ANKRD45: variants seen among roughly 807,000 people sequenced by gnomAD.
ANKRD45 encodes the protein ankyrin repeat domain-containing protein 45.
Under a neutral mutation model 28.1 loss-of-function variants are expected in ANKRD45, and 21 were observed. That is an observed-to-expected ratio of 0.75 (90% CI 0.53 to 1.08). The LOEUF (loss-of-function observed/expected upper bound fraction) is 1.08, where lower values mean the gene tolerates loss of function less well. Ranked by LOEUF, ANKRD45 falls within the 50% of genes least tolerant of loss-of-function variation. The pLI, the probability that ANKRD45 is intolerant of heterozygous loss-of-function variation, is 0.00. For synonymous variants in ANKRD45, 86 were observed against 103.9 expected (o/e 0.83, Z 1.05); for missense variants, 261 against 308.7 (o/e 0.85, Z 1.16).
At chr1:173,632,362 G>A (rs1571717949) in intron 3 of ANKRD45, among the ~76,000 whole-genome samples, 1 of 151,822 alleles carries the variant, frequency 6.6e-6, no homozygotes, top group East Asian at 1.9e-4. Flanking sequence ...TCCAAGCAAA[G>A]AAAAGCCCAG....
At chr1:173,711,612 G>C in the ANKRD45 span, among the ~76,000 whole-genome samples, 1 of 152,124 alleles carries the variant, frequency 6.6e-6, no homozygotes, top group Non-Finnish European at 1.5e-5. Flanking sequence ...TTAGCTTAGT[G>C]ATTTTGGGGG....
At chr1:173,663,979 A>G (rs190505598) in intron 1 of ANKRD45, among the ~76,000 whole-genome samples, 19 of 152,296 alleles carry the variant, frequency 1.2e-4, no homozygotes, top group Non-Finnish European at 4.4e-5. Context: ...TCTCTTTACT[A>G]CAGGTAACAT....
intron 1 of ANKRD45, among the ~76,000 whole-genome samples, chr1:173,666,807 C>T (rs1327985859): frequency 6.6e-6 from 1 of 152,086 alleles, no homozygotes; most frequent in African/African-American, 2.4e-5. Flanking sequence ...AGCTGAAGTG[C>T]AGTGATGCCA....
At chr1:173,715,181 G>A in the ANKRD45 span, 1 of 152,408 alleles carries the variant, frequency 6.6e-6, no homozygotes, top group South Asian at 2.1e-4. Flanking sequence ...CATGGGGTCA[G>A]GTCGGTCGCC....
intron 5 of ANKRD45, among the ~76,000 whole-genome samples, chr1:173,617,853 A>T (rs1163665408): frequency 6.6e-6 from 1 of 152,204 alleles, no homozygotes; most frequent in South Asian, 2.1e-4. Flanking sequence ...ACGGGTCTTC[A>T]GATACCTCCT....
At chr1:173,656,114 A>T (rs1032752526) in intron 2 of ANKRD45, among the ~76,000 whole-genome samples, 1 of 152,164 alleles carries the variant, frequency 6.6e-6, no homozygotes, top group African/African-American at 2.4e-5. Context: ...GCTGCACCCA[A>T]TGTCCAACCA....
intron 2 of ANKRD45, among the ~76,000 whole-genome samples, chr1:173,649,010 T>G (rs1669056868): frequency 6.6e-6 from 1 of 152,186 alleles, no homozygotes; most frequent in Non-Finnish European, 1.5e-5. Flanking sequence ...AGAATCCTTT[T>G]GTAACTTGAT....
upstream of ANKRD45, among the ~76,000 whole-genome samples, chr1:173,670,158 T>G (rs772429169): frequency 6.6e-6 from 1 of 152,252 alleles, no homozygotes; most frequent in Non-Finnish European, 1.5e-5. Context: ...ATTGTATGAA[T>G]AACCCCTTGC....
intron 5 of ANKRD45, among the ~76,000 whole-genome samples, chr1:173,623,802 C>A (rs372598716): frequency 4.1e-4 from 63 of 152,188 alleles, no homozygotes; most frequent in African/African-American, 1.4e-3. Flanking sequence ...AGACCATGTC[C>A]ATTTAAAAGA....
intron 5 of ANKRD45, among the ~76,000 whole-genome samples, chr1:173,621,780 C>T (rs549270256): frequency 3.9e-5 from 6 of 152,104 alleles, no homozygotes; most frequent in Non-Finnish European, 7.4e-5. Flanking sequence ...CATGCCTATT[C>T]GACATAGTAT....
the ANKRD45 span, among the ~76,000 whole-genome samples, chr1:173,694,147 T>G: frequency 4.6e-5 from 7 of 151,736 alleles, no homozygotes; most frequent in Non-Finnish European, 1.0e-4. Flanking sequence ...GACTAGGTGC[T>G]CAATACGTAG....
At chr1:173,704,965 A>G in the ANKRD45 span, among the ~76,000 whole-genome samples, 1 of 152,242 alleles carries the variant, frequency 6.6e-6, no homozygotes, top group East Asian at 1.9e-4. Flanking sequence ...ATGATCCTTC[A>G]GAGTTATCCC....
At chr1:173,636,970 C>A in intron 3 of ANKRD45, 1 of 1,535,628 alleles carries the variant, frequency 6.5e-7, no homozygotes, top group South Asian at 1.2e-5. Context: ...ACCATCCTTC[C>A]TCTAAGAAAA....
In ANKRD45 at chr1:173,613,564, C is replaced by CCCCCA. The variant is rs1553264309; in HGVS notation, c.731-3350_731-3349insTGGGG. On this transcript the variant is annotated intron_variant, in intron 5 of 5. Coordinates refer to ENST00000333279, the MANE Select transcript of ANKRD45 (RefSeq NM_198493.3). Reference sequence around the variant, plus strand: ...TCCGGGAGGGAGGTGGGGGGTCAGCCCCCCCCCCGGCCAGCCGCCCCGTCC... The same window carrying CCCCCA: ...TCCGGGAGGGAGGTGGGGGGTCAGCCCCCCACCCCCCCCGGCCAGCCGCCCCGTCC... 2.1e-3 allele frequency among the ~76,000 whole-genome samples: 245 copies of CCCCCA among 118,958 alleles called. 12 individuals are homozygous for CCCCCA. Among genetic ancestry groups the CCCCCA allele is most frequent in the African/African-American group, 0.015 (227 of 15,104 alleles). 78.0% of individuals were successfully genotyped at this position (118,958 alleles called of 152,430 possible).
chr1:173,624,654 T>C, intron 5 of ANKRD45, 133 bp downstream of exon 5: 1 of 886,914 alleles, frequency 1.1e-6, no homozygotes, highest in Non-Finnish European at 1.7e-6. Context: ...AACTATATCA[T>C]AGATTAGTGC....
At chr1:173,631,958 C>T (rs183868865) in intron 3 of ANKRD45, among the ~76,000 whole-genome samples, 1 of 150,002 alleles carries the variant, frequency 6.7e-6, no homozygotes, top group Admixed American at 6.6e-5. Flanking sequence ...CAAACCAAAC[C>T]CAAAATTAGT....
the ANKRD45 span, among the ~76,000 whole-genome samples, chr1:173,701,308 C>T: frequency 1.3e-5 from 2 of 152,200 alleles, no homozygotes; most frequent in South Asian, 2.1e-4. Flanking sequence ...ACCCAGGGAT[C>T]CCATTACTGG....
upstream of ANKRD45, among the ~76,000 whole-genome samples, chr1:173,672,820 T>C (rs765070599): frequency 6.6e-6 from 1 of 152,036 alleles, no homozygotes; most frequent in Non-Finnish European, 1.5e-5. Flanking sequence ...CCTGAGAGTA[T>C]TGGAAAGAGC....
rs536959499 is a variant in ANKRD45 at position 173,666,230 on chromosome 1, C to T, written c.-16+3587G>A. The stretch of plus-strand genomic sequence containing the variant: ...TTATACTATCAGCTTTCCTGTTTCT[C>T]AGGCCCTCAGACCTGGATTGGAACT... On this transcript the variant is annotated intron_variant, in intron 1 of 5. Coordinates refer to ENST00000333279, the MANE Select transcript of ANKRD45 (RefSeq NM_198493.3). Among the ~76,000 whole-genome samples the T allele has an allele frequency of 1.3e-3, 194 of 152,336 alleles. 1 individual carries two copies. Among genetic ancestry groups the T allele is most frequent in the African/African-American group, 4.6e-3 (192 of 41,564 alleles).
Sources: gnomAD v4.1 joint callset for allele counts (sites outside exome capture counted in the v4.1 genomes callset) on GRCh38, gnomAD v4.1.1 for gene constraint, MANE v1.5 for transcripts, NCBI Gene and HGNC (gene_info 2026-07-23, HGNC 2026-07-21) for gene names.